The following COL24A1 variants were observed in gnomAD, a reference collection of about 807,000 sequenced individuals.
COL24A1 encodes the protein collagen type XXIV alpha 1 chain.
A neutral mutation model predicts 253.9 loss-of-function variants in COL24A1; 224 were observed. That is an observed-to-expected ratio of 0.88 (90% CI 0.79 to 0.99). The LOEUF (loss-of-function observed/expected upper bound fraction) is 0.99, where lower values mean the gene tolerates loss of function less well. Among genes scored for constraint, COL24A1 ranks in the 50% least tolerant of loss-of-function variants. COL24A1 has a pLI of 0.00. For synonymous variants in COL24A1, 685 were observed against 673.7 expected (o/e 1.02, Z -0.26); for missense variants, 2,131 against 2,068.5 (o/e 1.03, Z -0.59).
intron 58 of COL24A1, chr1:85,736,695 G>A (rs1318292337): frequency 2.9e-6 from 1 of 342,422 alleles, no homozygotes; most frequent in Non-Finnish European, 5.8e-6. Context: ...ACACACAATA[G>A]GCACATGTAT....
chr1:85,896,166 A>C (rs1406680853), intron 29 of COL24A1, 101 bp from the exon 30 acceptor site: 1 of 1,293,498 alleles, frequency 7.7e-7, no homozygotes, highest in Non-Finnish European at 1.1e-6. Flanking sequence ...AAAGACAGTA[A>C]GTATATAGTT....
At chr1:85,868,444 T>C in intron 37 of COL24A1, 75 bp downstream of exon 37, 2 of 983,636 alleles carry the variant, frequency 2.0e-6, no homozygotes, top group Non-Finnish European at 3.2e-6. Context: ...TCAGAGTGTG[T>C]GTAGGTTTGT....
chr1:85,868,720 CT>C (rs1169900230), intron 36 of COL24A1, 61 bp downstream of exon 36: 1 of 1,409,982 alleles, frequency 7.1e-7, no homozygotes, highest in Non-Finnish European at 9.8e-7. Context: ...ACAATGATGT[CT>C]AATATTTTAA....
At chr1:86,068,746 G>T (rs1015034210) in intron 7 of COL24A1, among the ~76,000 whole-genome samples, 1 of 152,094 alleles carries the variant, frequency 6.6e-6, no homozygotes, top group South Asian at 2.1e-4. Context: ...AGAGTGAAGA[G>T]TAAAGAGGAC....
intron 32 of COL24A1, among the ~76,000 whole-genome samples, chr1:85,885,793 C>A (rs534900473): frequency 8.5e-5 from 13 of 152,114 alleles, no homozygotes; most frequent in Non-Finnish European, 4.4e-5. Context: ...GGGCAGATGT[C>A]TTTTCAGAAG....
At chr1:86,147,434 A>G (rs1213564134) in intron 1 of COL24A1, among the ~76,000 whole-genome samples, 1 of 152,262 alleles carries the variant, frequency 6.6e-6, no homozygotes, top group African/African-American at 2.4e-5. Context: ...AGAATACTTA[A>G]CAACTGTCAC....
At chr1:85,830,648 GA>G (rs1675117366) in intron 43 of COL24A1, among the ~76,000 whole-genome samples, 1 of 152,138 alleles carries the variant, frequency 6.6e-6, no homozygotes, top group South Asian at 2.1e-4. Context: ...AAGCCCGTCG[GA>G]AAAGCGCAGT....
At chr1:85,869,046 T>C (rs74097606) in intron 35 of COL24A1, among the ~76,000 whole-genome samples, 3,126 of 152,264 alleles carry the variant, frequency 0.021, 97 homozygotes, top group African/African-American at 0.07. Context: ...CAGAGTGTCA[T>C]AAATTCAAAT....
chr1:85,748,603 G>T (rs1196262308), intron 55 of COL24A1, among the ~76,000 whole-genome samples: 2 of 150,392 alleles, frequency 1.3e-5, no homozygotes, highest in African/African-American at 4.9e-5. Context: ...GGTGATTTCT[G>T]CATTTCCATC....
At chr1:85,857,823 A>G (rs1422220099) in intron 37 of COL24A1, among the ~76,000 whole-genome samples, 2 of 152,114 alleles carry the variant, frequency 1.3e-5, no homozygotes, top group African/African-American at 4.8e-5. Context: ...CGCAACCCCA[A>G]TGCATTCCAC....
chr1:85,796,889 TAACAACTATGCAAAG>T (rs1407025250), intron 47 of COL24A1, among the ~76,000 whole-genome samples: 1 of 152,068 alleles, frequency 6.6e-6, no homozygotes, highest in African/African-American at 2.4e-5. Flanking sequence ...TCCAAGATCC[TAACAACTATGCAAAG>T]AACATTCAAT....
chr1:85,887,539 C>T (rs911212357), intron 32 of COL24A1, among the ~76,000 whole-genome samples: 3 of 151,544 alleles, frequency 2.0e-5, no homozygotes. Context: ...TGGTCTCTGT[C>T]AAAACTTTTA....
chr1:85,977,999 A>G (rs1692860966), intron 20 of COL24A1, among the ~76,000 whole-genome samples: 1 of 152,208 alleles, frequency 6.6e-6, no homozygotes. Flanking sequence ...GTAGCCTATA[A>G]AGGAAAACAT....
chr1:85,842,658 T>G (rs1284715669), intron 39 of COL24A1, among the ~76,000 whole-genome samples: 1 of 152,134 alleles, frequency 6.6e-6, no homozygotes. Context: ...CTTTCAGTTG[T>G]CAGAATCCTG....
chr1:85,734,890 G>C lies in COL24A1; in HGVS notation c.4857C>G (p.Thr1619=), dbSNP rs1472562893. 3 of 1,614,188 alleles carry C rather than the reference G, an allele frequency of 1.9e-6. No individual in the cohort carries two copies. ...ACCTTGGGGTGTTTAGACAGTGAATGGTGATGATATGGGTGGCTTCCGAAC... is the reference window on the plus strand; with the variant it reads ...ACCTTGGGGTGTTTAGACAGTGAATCGTGATGATATGGGTGGCTTCCGAAC... ...LLSSEATHII[T]IHCLNTPRWT... The change falls in exon 59 of 60, where the codon ACC becomes ACG. Residue 1619 remains threonine (T), a synonymous_variant. Coordinates refer to ENST00000370571, the MANE Select transcript of COL24A1 (RefSeq NM_152890.7).
intron 10 of COL24A1, among the ~76,000 whole-genome samples, chr1:86,052,116 G>A (rs1700354792): frequency 6.6e-6 from 1 of 151,992 alleles, no homozygotes; most frequent in African/African-American, 2.4e-5. Context: ...GCAGAGAAAA[G>A]CCAAAGTTTA....
intron 22 of COL24A1, 24 bp downstream of exon 22, chr1:85,970,203 G>A: frequency 1.9e-6 from 3 of 1,549,832 alleles, no homozygotes; most frequent in Non-Finnish European, 2.6e-6. Context: ...AGCACTTATG[G>A]AAAATTATTT....
In COL24A1 at chr1:85,935,312, C is replaced by T. The variant is rs547958279; in HGVS notation, c.2563-23879G>A. On this transcript the variant is annotated intron_variant, in intron 24 of 59. Transcript: ENST00000370571. ...AAAAGAAAACTTAAAGTTGACTATG[C>T]ATAGGAACAAAGTGAACTGTCAATA... Among the ~76,000 whole-genome samples the T allele has an allele frequency of 1.9e-4, 28 of 147,604 alleles. 2 individuals are homozygous for T. Among genetic ancestry groups the T allele is most frequent in the African/African-American group, 6.7e-4 (27 of 40,390 alleles).
chr1:85,953,531 T>G lies in COL24A1; in HGVS notation c.2562+7718A>C, dbSNP rs114596581. Among the ~76,000 whole-genome samples the G allele has an allele frequency of 6.1e-3, 922 of 152,316 alleles. 9 individuals carry two copies. Among genetic ancestry groups the G allele is most frequent in the African/African-American group, 0.021 (891 of 41,574 alleles). On this transcript the variant is annotated intron_variant, in intron 24 of 59. Transcript: ENST00000370571. The stretch of plus-strand genomic sequence containing the variant: ...ATACTACTTAAAGATCAAGTCTTAC[T>G]TTACTGTTATCTCTAGCACACATTA...
Sources: allele counts gnomAD v4.1 joint callset (sites outside exome capture counted in the v4.1 genomes callset), GRCh38; gene constraint gnomAD v4.1.1; transcripts MANE v1.5; gene names NCBI Gene and HGNC (gene_info 2026-07-23, HGNC 2026-07-21).